DRAM2: variants seen among roughly 807,000 people sequenced by gnomAD.
The protein encoded by DRAM2 is DNA damage regulated autophagy modulator 2.
Under a neutral mutation model 33.5 loss-of-function variants are expected in DRAM2, and 26 were observed. The observed-to-expected ratio is 0.78, with a 90% CI of 0.57 to 1.08. DRAM2 has a LOEUF of 1.08. Ranked by LOEUF, DRAM2 falls within the 50% of genes least tolerant of loss-of-function variation. DRAM2 has a pLI of 0.00. For synonymous variants in DRAM2, 98 were observed against 109.5 expected, an observed-to-expected ratio of 0.89 and a Z score of 0.66; for missense variants, 311 against 318.1, an observed-to-expected ratio of 0.98 and a Z score of 0.17.
intron 2 of DRAM2, among the ~76,000 whole-genome samples, chr1:111,138,603 G>T (rs1268277374): frequency 6.6e-6 from 1 of 152,170 alleles, no homozygotes. Context: ...GGCCAACATG[G>T]TGACACCCTG....
At chr1:111,134,431 C>G (rs1459762457) in intron 3 of DRAM2, among the ~76,000 whole-genome samples, 1 of 152,098 alleles carries the variant, frequency 6.6e-6, no homozygotes, top group Non-Finnish European at 1.5e-5. Flanking sequence ...GTCATTTACT[C>G]TGGCCATCTG....
intron 4 of DRAM2, among the ~76,000 whole-genome samples, chr1:111,129,112 A>G (rs944834909): frequency 1.3e-5 from 2 of 152,218 alleles, no homozygotes; most frequent in African/African-American, 4.8e-5. Flanking sequence ...TGTAGATAGT[A>G]ATGCCCAGAT....
chr1:111,124,628 T>C (rs777107576), intron 6 of DRAM2, 114 bp downstream of exon 6: 51 of 1,139,852 alleles, frequency 4.5e-5, no homozygotes, highest in Non-Finnish European at 6.2e-5. Flanking sequence ...GTGATTTCTA[T>C]TTTGCTAAGG....
chr1:111,122,079 T>C (rs1293323678), intron 6 of DRAM2, among the ~76,000 whole-genome samples: 1 of 152,100 alleles, frequency 6.6e-6, no homozygotes, highest in East Asian at 1.9e-4. Context: ...AAGGTAGACA[T>C]CAGCCAGATT....
Position 111,118,793 on chromosome 1 carries a change from G to C in DRAM2, c.693+12C>G. ...AGTCTGACTGAATAAATCTAATATT[G>C]TGCCTTCTTACCTGAAAATCACGAA... On this transcript the variant is annotated intron_variant, in intron 9 of 9. Transcript: ENST00000484310. 2 of 1,588,154 alleles carry C rather than the reference G, an allele frequency of 1.3e-6. No individual in the cohort carries two copies. The highest frequency in any genetic ancestry group is 2.2e-5 in the South Asian group (2 of 89,106).
At chr1:111,137,116 G>A (rs933351430) in intron 3 of DRAM2, among the ~76,000 whole-genome samples, 1 of 151,980 alleles carries the variant, frequency 6.6e-6, no homozygotes, top group South Asian at 2.1e-4. Context: ...AGCCGGGCGA[G>A]GTGGTGGGCG....
intron 6 of DRAM2, among the ~76,000 whole-genome samples, chr1:111,123,866 C>A (rs1390943592): frequency 6.6e-6 from 1 of 152,186 alleles, no homozygotes. Flanking sequence ...CCAGCTCCTG[C>A]TTTGCTTTCC....
intron 4 of DRAM2, 147 bp downstream of exon 4, chr1:111,131,277 A>G (rs1229142549): frequency 1.3e-5 from 12 of 901,624 alleles, no homozygotes; most frequent in Non-Finnish European, 1.9e-5. Flanking sequence ...AAAAAGCCAA[A>G]TTCAAGTTCC....
At chr1:111,130,311 G>A (rs1651795373) in intron 4 of DRAM2, among the ~76,000 whole-genome samples, 1 of 152,212 alleles carries the variant, frequency 6.6e-6, no homozygotes, top group Admixed American at 6.5e-5. Flanking sequence ...TGACCTCCCT[G>A]GACCTCATTT....
chr1:111,131,797 T>A (rs1337441648), intron 3 of DRAM2, among the ~76,000 whole-genome samples: 1 of 152,212 alleles, frequency 6.6e-6, no homozygotes, highest in African/African-American at 2.4e-5. Flanking sequence ...CATCTTCCCA[T>A]GGAAAGTACC....
chr1:111,128,650 T>G (rs1651492580), intron 4 of DRAM2, among the ~76,000 whole-genome samples: 1 of 152,206 alleles, frequency 6.6e-6, no homozygotes, highest in South Asian at 2.1e-4. Context: ...TCTAGATTAC[T>G]TATAATATCT....
At chr1:111,123,739 G>T (rs1419737700) in intron 6 of DRAM2, among the ~76,000 whole-genome samples, 2 of 152,070 alleles carry the variant, frequency 1.3e-5, no homozygotes, top group Non-Finnish European at 2.9e-5. Context: ...TGATGTGGGG[G>T]GTTGGGGGTG....
In DRAM2 at chr1:111,119,266, G is replaced by T. The variant is rs146091286; in HGVS notation, c.601-369C>A. ...TAAACTTAGTAAGTGCTGTGTTTAC[G>T]ATATTAAATAATATATGGGTTACAA... is the stretch of plus-strand genomic sequence containing the variant. On this transcript the variant is annotated intron_variant, in intron 8 of 9. Transcript: ENST00000484310. 2.9e-3 allele frequency among the ~76,000 whole-genome samples: 442 copies of T among 152,020 alleles called. 1 individual carries two copies. Among genetic ancestry groups the T allele is most frequent in the Non-Finnish European group, 5.1e-3 (344 of 67,844 alleles).
chr1:111,119,803 TG>T, intron 8 of DRAM2, 73 bp downstream of exon 8: 1 of 1,244,706 alleles, frequency 8.0e-7, no homozygotes, highest in South Asian at 1.3e-5. Flanking sequence ...ACTGATGAAA[TG>T]AAAAACATAT....
At chr1:111,127,339 T>C (rs1651210822) in intron 4 of DRAM2, among the ~76,000 whole-genome samples, 1 of 152,130 alleles carries the variant, frequency 6.6e-6, no homozygotes, top group East Asian at 1.9e-4. Context: ...TAGAAAGTTA[T>C]AGCTGGTAAG....
intron 4 of DRAM2, among the ~76,000 whole-genome samples, chr1:111,128,794 C>T (rs570689255): frequency 6.6e-6 from 1 of 152,168 alleles, no homozygotes; most frequent in South Asian, 2.1e-4. Context: ...AGAAGTGGAA[C>T]CCATGAATAT....
At chr1:111,138,319 G>A (rs532242637) in intron 2 of DRAM2, among the ~76,000 whole-genome samples, 18 of 152,310 alleles carry the variant, frequency 1.2e-4, no homozygotes, top group Admixed American at 2.6e-4. Context: ...GCATGGACTA[G>A]GTGAGGAAGA....
chr1:111,117,466 G>C lies in DRAM2; in HGVS notation c.*694C>G, dbSNP rs1450772875. 6.6e-6 allele frequency: 1 copy of C among 151,626 alleles called. No homozygotes were observed. Among genetic ancestry groups the C allele is most frequent in the African/African-American group, 2.4e-5 (1 of 41,118 alleles). 9.4% of individuals were successfully genotyped at this position (151,626 alleles called of 1,614,324 possible). On this transcript the variant is annotated 3_prime_UTR_variant, in exon 10 of 10. Transcript: ENST00000484310. ...ACAGGTGCCTCTCTCCTTCATTGGT[G>C]ATTAAAATTTCACGCCAGAGACTAA...
At chr1:111,126,368 A>G in intron 4 of DRAM2, 74 bp from the exon 5 acceptor site, 2 of 843,524 alleles carry the variant, frequency 2.4e-6, no homozygotes, top group Non-Finnish European at 4.0e-6. Context: ...AGGGATAAGA[A>G]TATCAGGAGT....
Sources: gnomAD v4.1 joint callset for allele counts (sites outside exome capture counted in the v4.1 genomes callset) on GRCh38, gnomAD v4.1.1 for gene constraint, MANE v1.5 for transcripts, NCBI Gene and HGNC (gene_info 2026-07-23, HGNC 2026-07-21) for gene names.